Variants in SERBP1 observed in about 807,000 individuals in gnomAD.
The protein encoded by SERBP1 is SERPINE1 mRNA-binding protein 1.
Under a neutral mutation model 50.2 loss-of-function variants are expected in SERBP1, and 6 were observed. The ratio of observed to expected loss-of-function variants is 0.12; its 90% CI spans 0.07 to 0.24. The LOEUF is 0.24. Among genes scored for constraint, SERBP1 ranks in the 10% least tolerant of loss-of-function variants. SERBP1 has a pLI of 1.00. For synonymous variants in SERBP1, 168 were observed against 182.8 expected (o/e 0.92, Z 0.65); for missense variants, 346 against 524.9 (o/e 0.66, Z 3.33).
At position 67,430,375 on chromosome 1, in the gene SERBP1, T is replaced by G. The variant is rs1036900764; in HGVS notation, c.-75A>C. 3.0e-5 allele frequency: 43 copies of G among 1,431,482 alleles called. No homozygotes were observed. In the Admixed American group the frequency reaches 6.7e-4, roughly 22 times the overall value. 88.7% of individuals were successfully genotyped at this position (1,431,482 alleles called of 1,614,324 possible). On this transcript the variant is annotated 5_prime_UTR_variant, in exon 1 of 8. Coordinates refer to ENST00000361219, the MANE Select transcript of SERBP1 (RefSeq NM_001018069.2). Reference sequence around the variant, plus strand: ...GAGCCAAGAGCGCCTGCTTCAGCTCTTCCCACAAGATGGCCGGGCCGAGAG... The same window carrying G: ...GAGCCAAGAGCGCCTGCTTCAGCTCGTCCCACAAGATGGCCGGGCCGAGAG...
Position 67,419,994 on chromosome 1 carries a change from A to G in SERBP1, c.951+15T>C. 2 of 1,611,870 alleles carry G rather than the reference A, an allele frequency of 1.2e-6. No homozygotes were observed. Among genetic ancestry groups the G allele is most frequent in the Non-Finnish European group, 1.7e-6 (2 of 1,178,314 alleles). Reference sequence around the variant, plus strand: ...ACATCTGAACATTTTCAAACACGACAAAACTTAATTTTACCTCTTCACTCT... The same window carrying G: ...ACATCTGAACATTTTCAAACACGACGAAACTTAATTTTACCTCTTCACTCT... On this transcript the variant is annotated intron_variant, in intron 6 of 7. Transcript: ENST00000361219.
chr1:67,424,585 A>G (rs1667309202), intron 4 of SERBP1, among the ~76,000 whole-genome samples: 1 of 152,250 alleles, frequency 6.6e-6, no homozygotes, highest in African/African-American at 2.4e-5. Flanking sequence ...GTCAAAAGCT[A>G]GAATAGGAAC....
At position 67,417,028 on chromosome 1, in the gene SERBP1, T is replaced by C. The variant is rs562146381; in HGVS notation, c.952-1689A>G. ...TGTAATCCCAGCACTCTGGGAGGCA[T>C]AGGCAGAAGGGCTGCTTGAGTCCAG... On this transcript the variant is annotated intron_variant, in intron 6 of 7. Coordinates refer to ENST00000361219, the MANE Select transcript of SERBP1 (RefSeq NM_001018069.2). 2.0e-5 allele frequency among the ~76,000 whole-genome samples: 3 copies of C among 152,216 alleles called. No individual in the cohort carries two copies. The East Asian group carries it at 5.8e-4, about 29-fold the overall frequency.
In SERBP1 at chr1:67,414,606, C is replaced by T. The variant is rs565112320; in HGVS notation, c.1125+560G>A. Among the ~76,000 whole-genome samples, 27 of 152,308 alleles carry T rather than the reference C, an allele frequency of 1.8e-4. 1 individual carries two copies. In the South Asian group the frequency reaches 5.4e-3, roughly 30 times the overall value. On this transcript the variant is annotated intron_variant, in intron 7 of 7. Transcript: ENST00000361219. ...TTCTCTAAGAACTTGTTTTGTGCCACATACTGTTCAAGGCATTGGAGAGAT... is the reference window on the plus strand; with the variant it reads ...TTCTCTAAGAACTTGTTTTGTGCCATATACTGTTCAAGGCATTGGAGAGAT...
chr1:67,417,982 T>C (rs1435052937), intron 6 of SERBP1, among the ~76,000 whole-genome samples: 1 of 140,052 alleles, frequency 7.1e-6, no homozygotes, highest in African/African-American at 2.7e-5. Flanking sequence ...TTTTTTTTTT[T>C]TTTTTTTTTT....
intron 5 of SERBP1, among the ~76,000 whole-genome samples, chr1:67,423,262 A>T (rs1351994840): frequency 6.8e-6 from 1 of 148,046 alleles, no homozygotes; most frequent in Non-Finnish European, 1.5e-5. Context: ...GTGCCACTAC[A>T]CTCCAGCCTA....
chr1:67,425,350 C>G, intron 2 of SERBP1, 127 bp from the exon 3 acceptor site: 1 of 847,464 alleles, frequency 1.2e-6, no homozygotes, highest in East Asian at 2.7e-5. Flanking sequence ...ACATACACTT[C>G]AGAAAATTCA....
intron 4 of SERBP1, 198 bp from the exon 5 acceptor site, chr1:67,424,475 T>C (rs1667305834): frequency 1.3e-5 from 8 of 609,250 alleles, no homozygotes; most frequent in Non-Finnish European, 1.1e-5. Context: ...CAATATAAAC[T>C]AGTTAGTTCA....
Position 67,408,050 on chromosome 1 carries a change from A to C in SERBP1, c.*5157T>G, listed in dbSNP as rs1020536913. 1 of 152,178 alleles carries C rather than the reference A, an allele frequency of 6.6e-6. No individual in the cohort carries two copies. Among genetic ancestry groups the C allele is most frequent in the Admixed American group, 6.5e-5 (1 of 15,280 alleles). 9.4% of individuals were successfully genotyped at this position (152,178 alleles called of 1,614,324 possible). ...CAAGGTGATTAGTGCAAAGTAATACAACTGTCCAAAGATAAGCTACTTCCC... is the reference window on the plus strand; with the variant it reads ...CAAGGTGATTAGTGCAAAGTAATACCACTGTCCAAAGATAAGCTACTTCCC... On this transcript the variant is annotated 3_prime_UTR_variant, in exon 8 of 8. Coordinates refer to ENST00000361219, the MANE Select transcript of SERBP1 (RefSeq NM_001018069.2).
chr1:67,422,819 G>T (rs975988066), intron 5 of SERBP1, among the ~76,000 whole-genome samples: 2 of 151,696 alleles, frequency 1.3e-5, no homozygotes, highest in African/African-American at 4.8e-5. Context: ...AAATTAGCTG[G>T]GCGTGGTGAT....
At chr1:67,429,071 A>T (rs2100451603) in intron 1 of SERBP1, among the ~76,000 whole-genome samples, 1 of 152,228 alleles carries the variant, frequency 6.6e-6, no homozygotes, top group East Asian at 1.9e-4. Context: ...AACAACTATT[A>T]ACCGCCAGTG....
intron 1 of SERBP1, 111 bp from the exon 2 acceptor site, chr1:67,426,396 A>G (rs1445380570): frequency 1.8e-6 from 2 of 1,128,212 alleles, no homozygotes; most frequent in African/African-American, 1.6e-5. Flanking sequence ...TTCCTGTTGG[A>G]AAAAAGCAAA....
At chr1:67,419,083 A>G (rs1336370436) in intron 6 of SERBP1, among the ~76,000 whole-genome samples, 1 of 152,226 alleles carries the variant, frequency 6.6e-6, no homozygotes, top group East Asian at 1.9e-4. Flanking sequence ...GACTTTCTCC[A>G]ATACAGTTGA....
chr1:67,415,030 T>A (rs1248651847), intron 7 of SERBP1, 136 bp downstream of exon 7: 3 of 941,412 alleles, frequency 3.2e-6, no homozygotes, highest in Non-Finnish European at 4.5e-6. Context: ...AACATAAATA[T>A]AACCTAACAT....
At chr1:67,423,038 G>A (rs1353906996) in intron 5 of SERBP1, among the ~76,000 whole-genome samples, 1 of 151,826 alleles carries the variant, frequency 6.6e-6, no homozygotes, top group Non-Finnish European at 1.5e-5. Context: ...GAAGGGCTGG[G>A]TGTGGTGGCT....
chr1:67,426,209 C>T lies in SERBP1; in HGVS notation c.390G>A (p.Arg130=), dbSNP rs764362155. 1 of 1,610,760 alleles carries T rather than the reference C, an allele frequency of 6.2e-7. No homozygotes were observed. The highest frequency in any genetic ancestry group is 1.7e-5 in the Admixed American group (1 of 59,474). Residue 130 remains arginine (R), a synonymous_variant, in exon 2 of 8, where the codon AGG becomes AGA. Coordinates refer to ENST00000361219, the MANE Select transcript of SERBP1 (RefSeq NM_001018069.2). ...EGKIIDRRPE[R]RPPRERRFEK... Reference sequence around the variant, plus strand: ...CGAATCTTCGTTCACGAGGTGGTCGCCTTTCTGGTCTTCTATCAATTATTT... The same window carrying T: ...CGAATCTTCGTTCACGAGGTGGTCGTCTTTCTGGTCTTCTATCAATTATTT...
chr1:67,425,009 A>C (rs202084429), intron 3 of SERBP1, 32 bp from the exon 4 acceptor site: 1 of 1,603,100 alleles, frequency 6.2e-7, no homozygotes, highest in African/African-American at 1.3e-5. Flanking sequence ...AATACTCTTT[A>C]GTTCTAGAAA....
At position 67,420,005 on chromosome 1, in the gene SERBP1, T is replaced by G; in HGVS notation, c.951+4A>C. On this transcript the variant is annotated splice_donor_region_variant and intron_variant, in intron 6 of 7. Transcript: ENST00000361219. Reference sequence around the variant, plus strand: ...TTTTCAAACACGACAAAACTTAATTTTACCTCTTCACTCTTTGATTTATGA... The same window carrying G: ...TTTTCAAACACGACAAAACTTAATTGTACCTCTTCACTCTTTGATTTATGA... 1 of 1,612,948 alleles carries G rather than the reference T, an allele frequency of 6.2e-7. No homozygotes were observed. The highest frequency in any genetic ancestry group is 8.5e-7 in the Non-Finnish European group (1 of 1,179,132).
At chr1:67,419,238 T>C (rs1667127625) in intron 6 of SERBP1, among the ~76,000 whole-genome samples, 4 of 152,250 alleles carry the variant, frequency 2.6e-5, no homozygotes, top group Non-Finnish European at 5.9e-5. Flanking sequence ...TCTCAACATT[T>C]TCTTTAGCTT....
Sources: gnomAD v4.1 joint callset for allele counts (sites outside exome capture counted in the v4.1 genomes callset) on GRCh38, gnomAD v4.1.1 for gene constraint, MANE v1.5 for transcripts, NCBI Gene and HGNC (gene_info 2026-07-23, HGNC 2026-07-21) for gene names.